Variants in TRIP11 observed in about 807,000 individuals in gnomAD.
The protein encoded by TRIP11 is thyroid receptor-interacting protein 11.
In TRIP11, 148 loss-of-function variants were observed where a neutral mutation model predicts 223.1. The ratio of observed to expected loss-of-function variants is 0.66; its 90% CI spans 0.58 to 0.76. TRIP11 has a LOEUF of 0.76. Among genes scored for constraint, TRIP11 ranks in the 30% least tolerant of loss-of-function variants. The pLI is 0.00. For synonymous variants in TRIP11, 762 were observed against 772.6 expected, an observed-to-expected ratio of 0.99 and a Z score of 0.23; for missense variants, 2,043 against 2,222.0, an observed-to-expected ratio of 0.92 and a Z score of 1.62.
rs1393808532 is a variant in TRIP11 at position 92,039,598 on chromosome 14, T to C, written c.88A>G (p.Ile30Val). Residue 30 changes from isoleucine to valine, a missense_variant, in exon 1 of 21, where the codon ATA becomes GTA. Transcript: ENST00000267622. ...AGCATATCCTTTGTAAAGTTTGATA[T>C]CTGGCCAGTGAGGGAAGCCAGGCTG... ...GGSLASLTGQ[I>V]SNFTKDMLME... The C allele has an allele frequency of 9.3e-6, 15 of 1,613,706 alleles. No homozygotes were observed. Among genetic ancestry groups the C allele is most frequent in the African/African-American group, 5.3e-5 (4 of 74,908 alleles).
rs754283737 is a variant in TRIP11 at position 92,003,637 on chromosome 14, G to A, written c.4339C>T (p.Leu1447=). The change falls in exon 11 of 21, where the codon CTG becomes TTG. Residue 1447 remains leucine (L), a synonymous_variant. Transcript: ENST00000267622. ...NELLRQAVTN[L]KERILILEMD... ...TCTAGAATTAATATTCTCTCCTTCAGGTTTGTTACTGCCTGCCTCAAAAGT... is the reference window on the plus strand; with the variant it reads ...TCTAGAATTAATATTCTCTCCTTCAAGTTTGTTACTGCCTGCCTCAAAAGT... 5 of 1,614,020 alleles carry A rather than the reference G, an allele frequency of 3.1e-6. No individual in the cohort carries two copies. In the Admixed American group the frequency reaches 6.7e-5, roughly 22 times the overall value.
intron 6 of TRIP11, among the ~76,000 whole-genome samples, chr14:92,015,196 T>G (rs923625193): frequency 6.6e-6 from 1 of 152,052 alleles, no homozygotes; most frequent in Non-Finnish European, 1.5e-5. Flanking sequence ...AAGCCACCAC[T>G]CCCGGCCACA....
chr14:92,021,914 A>C, intron 3 of TRIP11, 83 bp from the exon 4 acceptor site: 1 of 1,444,252 alleles, frequency 6.9e-7, no homozygotes, highest in Non-Finnish European at 9.6e-7. Context: ...TAAAAGACAC[A>C]ATACAATAAT....
chr14:92,034,970 G>C (rs540053712), intron 1 of TRIP11, among the ~76,000 whole-genome samples: 1 of 151,710 alleles, frequency 6.6e-6, no homozygotes, highest in African/African-American at 2.4e-5. Flanking sequence ...AGTAGAGTGA[G>C]AGCCCAGCAG....
chr14:92,024,463 T>C (rs2057155871), intron 3 of TRIP11, among the ~76,000 whole-genome samples: 1 of 152,206 alleles, frequency 6.6e-6, no homozygotes, highest in African/African-American at 2.4e-5. Context: ...TTGTATTTTA[T>C]GAAATTATCA....
chr14:92,023,233 G>A lies in TRIP11; in HGVS notation c.313-1402C>T, dbSNP rs567289490. On this transcript the variant is annotated intron_variant, in intron 3 of 20. Coordinates refer to ENST00000267622, the MANE Select transcript of TRIP11 (RefSeq NM_004239.4). ...GAGGTAGGCATCAGAATAACCTGTG[G>A]AGCTTTTGAAAATGACCAATACAGG... Among the ~76,000 whole-genome samples, 399 of 152,284 alleles carry A rather than the reference G, an allele frequency of 2.6e-3. 12 individuals are homozygous for A. Among genetic ancestry groups the A allele is most frequent in the Admixed American group, 0.026 (393 of 15,292 alleles).
At chr14:92,014,151 G>A in intron 7 of TRIP11, 64 bp downstream of exon 7, 1 of 1,604,118 alleles carries the variant, frequency 6.2e-7, no homozygotes, top group Non-Finnish European at 8.5e-7. Flanking sequence ...TGAAGCATCT[G>A]TCTCTAAAAA....
In TRIP11 at chr14:92,004,604, A is replaced by G. The variant is rs759282252; in HGVS notation, c.3372T>C (p.Asp1124=). 6.2e-7 allele frequency: 1 copy of G among 1,614,092 alleles called. No homozygotes were observed. The highest frequency in any genetic ancestry group is 8.5e-7 in the Non-Finnish European group (1 of 1,180,020). ...HLKTEYHKMM[D]IVAAKEAALI... ...GAGCTGCTTCCTTGGCAGCAACAAT[A>G]TCCATCATTTTGTGATATTCTGTTT... Residue 1124 remains aspartate, a synonymous_variant, in exon 11 of 21, where the codon GAT becomes GAC. Transcript: ENST00000267622.
In TRIP11 at chr14:92,017,850, G is replaced by A. The variant is rs934552942; in HGVS notation, c.589-100C>T. 5.6e-6 allele frequency: 6 copies of A among 1,065,084 alleles called. No individual in the cohort carries two copies. The African/African-American group carries it at 7.9e-5, about 14-fold the overall frequency. 66.0% of individuals were successfully genotyped at this position (1,065,084 alleles called of 1,614,324 possible). A position where few individuals can be genotyped will look rare whatever the true frequency, so the allele number is the denominator to read the frequency against. Reference sequence around the variant, plus strand: ...TTACAAGAATACTTTTGTAAAAAGGGGGATTTTCACAGATTCCGACTAAAG... The same window carrying A: ...TTACAAGAATACTTTTGTAAAAAGGAGGATTTTCACAGATTCCGACTAAAG... On this transcript the variant is annotated intron_variant, in intron 4 of 20. Transcript: ENST00000267622.
chr14:92,017,670 A>G lies in TRIP11; in HGVS notation c.657+12T>C. ...TGTATAACTCCCATCATCAATCAAC[A>G]ATTTGACTTACCTTAATGATATTTT... On this transcript the variant is annotated intron_variant, in intron 5 of 20. Coordinates refer to ENST00000267622, the MANE Select transcript of TRIP11 (RefSeq NM_004239.4). The G allele has an allele frequency of 6.2e-7, 1 of 1,600,708 alleles. No homozygotes were observed. The highest frequency in any genetic ancestry group is 8.6e-7 in the Non-Finnish European group (1 of 1,169,044).
At position 92,001,488 on chromosome 14, in the gene TRIP11, T is replaced by A. The variant is rs562942358; in HGVS notation, c.4558-1380A>T. ...TCTCCCTAAAAAAAGATGTTACTCATTATATTCAAGATATAATCTAAAGGT... is the reference window on the plus strand; with the variant it reads ...TCTCCCTAAAAAAAGATGTTACTCAATATATTCAAGATATAATCTAAAGGT... On this transcript the variant is annotated intron_variant, in intron 11 of 20. Transcript: ENST00000267622. Among the ~76,000 whole-genome samples the A allele has an allele frequency of 7.9e-5, 12 of 152,182 alleles. No individual in the cohort carries two copies. In the South Asian group the frequency reaches 1.5e-3, roughly 18 times the overall value.
At chr14:91,988,160 T>C in intron 16 of TRIP11, 124 bp downstream of exon 16, 1 of 738,754 alleles carries the variant, frequency 1.4e-6, no homozygotes, top group Non-Finnish European at 2.3e-6. Context: ...TCAGGGAAGA[T>C]ACAAATGGAA....
chr14:91,980,120 C>A (rs1431485377), intron 16 of TRIP11, among the ~76,000 whole-genome samples: 2 of 152,072 alleles, frequency 1.3e-5, no homozygotes, highest in Non-Finnish European at 2.9e-5. Flanking sequence ...CTCTGGAACA[C>A]CTAGACATGG....
Position 92,005,035 on chromosome 14 carries a change from C to G in TRIP11, c.2941G>C (p.Glu981Gln), listed in dbSNP as rs1343185178. The change falls in exon 11 of 21, where the codon GAA becomes CAA. Residue 981 changes from glutamate to glutamine, a missense_variant. By Grantham distance (29) the Glu-to-Gln change is conservative. Transcript: ENST00000267622. ...TCTGTTTGAATGTCCTGTCTTTCTT[C>G]ATGCAACTGGGTTTTGATTTGTTCA... ...TIEQIKTQLHEERQDIQTDNS... is the reference protein window; with the variant it reads ...TIEQIKTQLHQERQDIQTDNS... The G allele has an allele frequency of 6.2e-7, 1 of 1,614,016 alleles. No individual in the cohort carries two copies. Among genetic ancestry groups the G allele is most frequent in the Non-Finnish European group, 8.5e-7 (1 of 1,180,034 alleles).
chr14:92,000,007 C>T lies in TRIP11; in HGVS notation c.4659G>A (p.Leu1553=). The change falls in exon 12 of 21, where the codon CTG becomes CTA. Residue 1553 remains leucine, a synonymous_variant. Coordinates refer to ENST00000267622, the MANE Select transcript of TRIP11 (RefSeq NM_004239.4). The stretch of plus-strand genomic sequence containing the variant: ...CAGTATTTTCCATTTGTTTTTGTTT[C>T]AGGGCCAACATGACTTGGTCTCTCT... The part of the protein sequence containing the change: ...QQERDQVMLA[L]KQKQMENTAL... The T allele has an allele frequency of 1.2e-6, 2 of 1,613,812 alleles. No individual in the cohort carries two copies. Among genetic ancestry groups the T allele is most frequent in the Non-Finnish European group, 1.7e-6 (2 of 1,179,898 alleles).
At chr14:91,974,550 AT>A (rs2056439371) in intron 19 of TRIP11, 76 bp downstream of exon 19, 3 of 1,220,048 alleles carry the variant, frequency 2.5e-6, no homozygotes, top group Admixed American at 3.5e-5. Context: ...TTAAAAAAAA[AT>A]CTGATTCTTT....
intron 15 of TRIP11, among the ~76,000 whole-genome samples, chr14:91,988,633 TAA>T (rs749287959): frequency 0.36 from 35,641 of 99,166 alleles, 4,679 homozygotes; most frequent in Middle Eastern, 0.45. Context: ...ATGACAGAAG[TAA>T]AAAAAAAAAA....
intron 5 of TRIP11, among the ~76,000 whole-genome samples, chr14:92,017,452 G>GCAGGAGGATCACCTGAACC (rs2057048945): frequency 1.3e-5 from 2 of 152,144 alleles, no homozygotes; most frequent in African/African-American, 4.8e-5. Flanking sequence ...GGAAGCTGAG[G>GCAGGAGGATCACCTGAACC]CAGGAGGATC....
chr14:92,000,200 A>G (rs1418067279), intron 11 of TRIP11, 92 bp from the exon 12 acceptor site: 16 of 1,565,396 alleles, frequency 1.0e-5, no homozygotes, highest in Middle Eastern at 1.7e-4. Flanking sequence ...TAATTCATTT[A>G]ATTTTTAAAT....
Sources: allele counts gnomAD v4.1 joint callset (sites outside exome capture counted in the v4.1 genomes callset), GRCh38; gene constraint gnomAD v4.1.1; transcripts MANE v1.5; gene names NCBI Gene and HGNC (gene_info 2026-07-23, HGNC 2026-07-21).